The following KIF18A variants were observed in gnomAD, a reference collection of about 807,000 sequenced individuals.
KIF18A encodes the protein kinesin-like protein KIF18A.
A neutral mutation model predicts 103.3 loss-of-function variants in KIF18A; 67 were observed. The observed-to-expected ratio is 0.65, with a 90% CI of 0.53 to 0.79. The LOEUF is 0.79. Ranked by LOEUF, KIF18A falls within the 30% of genes least tolerant of loss-of-function variation. The pLI is 0.00. For synonymous variants in KIF18A, 367 were observed against 355.5 expected (o/e 1.03, Z -0.36); for missense variants, 1,032 against 1,062.5 (o/e 0.97, Z 0.40).
Position 28,059,100 on chromosome 11 carries a change from G to A in KIF18A, c.1774C>T (p.Leu592=). The A allele has an allele frequency of 6.2e-7, 1 of 1,614,020 alleles. No homozygotes were observed. The highest frequency in any genetic ancestry group is 8.5e-7 in the Non-Finnish European group (1 of 1,179,956). ...KQYCTLKEAG[L]SNAAFESDFK... The stretch of plus-strand genomic sequence containing the variant: ...TCAGATTCAAAAGCAGCATTTGACA[G>A]GCCGGCTTCTTTTAATGTGCAATAT... The change falls in exon 13 of 17, where the codon CTG becomes TTG. Residue 592 remains leucine (L), a synonymous_variant. Coordinates refer to ENST00000263181, the MANE Select transcript of KIF18A (RefSeq NM_031217.4).
chr11:28,031,661 C>T (rs6484348), intron 15 of KIF18A, among the ~76,000 whole-genome samples: 13,209 of 150,666 alleles, frequency 0.088, 1,024 homozygotes, highest in East Asian at 0.36. Flanking sequence ...GCACATGTAC[C>T]GTGGAACTTA....
At chr11:28,029,321 C>A (rs1261955977) in intron 15 of KIF18A, among the ~76,000 whole-genome samples, 1 of 152,104 alleles carries the variant, frequency 6.6e-6, no homozygotes, top group Non-Finnish European at 1.5e-5. Context: ...CATCAAAAAG[C>A]TTATCCACCA....
rs1851289644 is a variant in KIF18A, at chr11:28,090,702, T to G, written c.614A>C (p.His205Pro). ...GTTTTTGTTTCCATTATCCAATAAATGTAAAATTTCTTCTGAGGATTTGGG... is the reference window on the plus strand; with the variant it reads ...GTTTTTGTTTCCATTATCCAATAAAGGTAAAATTTCTTCTGAGGATTTGGG... The part of the protein sequence containing the change: ...HQPKSSEEIL[H>P]LLDNGNKNRT... The change falls in exon 5 of 17, where the codon CAT (histidine) becomes CCT (proline). Residue 205 changes from histidine (H) to proline (P), a missense_variant. His to Pro is a moderately conservative substitution (Grantham distance 77, BLOSUM62 -2). Coordinates refer to ENST00000263181, the MANE Select transcript of KIF18A (RefSeq NM_031217.4). The G allele has an allele frequency of 1.2e-6, 2 of 1,605,566 alleles. No homozygotes were observed. Among genetic ancestry groups the G allele is most frequent in the Non-Finnish European group, 1.7e-6 (2 of 1,173,518 alleles).
rs538371354 is a variant in KIF18A, at chr11:28,091,394, T to C, written c.588+15A>G. ...TTTGCTATTCTAACAGGGAAAAAGATGTTTATATACATACCTGGTGTAAAG... is the reference window on the plus strand; with the variant it reads ...TTTGCTATTCTAACAGGGAAAAAGACGTTTATATACATACCTGGTGTAAAG... On this transcript the variant is annotated intron_variant, in intron 4 of 16. Transcript: ENST00000263181. The C allele has an allele frequency of 7.3e-6, 10 of 1,360,620 alleles. No individual in the cohort carries two copies. Among genetic ancestry groups the C allele is most frequent in the Admixed American group, 7.2e-5 (4 of 55,612 alleles). The allele number at this position is 1,360,620 out of a possible 1,614,324, so 84.3% of individuals were successfully genotyped here.
At chr11:28,104,645 T>C (rs2133571922) in intron 1 of KIF18A, among the ~76,000 whole-genome samples, 1 of 152,310 alleles carries the variant, frequency 6.6e-6, no homozygotes, top group South Asian at 2.1e-4. Flanking sequence ...TTGGAAAGTA[T>C]ATGTTATCTG....
chr11:28,025,249 A>G (rs180839595), intron 15 of KIF18A, among the ~76,000 whole-genome samples: 2 of 152,188 alleles, frequency 1.3e-5, no homozygotes, highest in East Asian at 3.9e-4. Context: ...ATATTATATC[A>G]ACTACAGTAG....
chr11:28,081,992 T>C (rs1179567872), intron 9 of KIF18A, among the ~76,000 whole-genome samples: 3 of 152,016 alleles, frequency 2.0e-5, no homozygotes, highest in African/African-American at 7.2e-5. Flanking sequence ...GCAGATGTGG[T>C]GGACATGAAA....
intron 13 of KIF18A, among the ~76,000 whole-genome samples, chr11:28,049,097 GT>G (rs1254438006): frequency 6.6e-6 from 1 of 151,978 alleles, no homozygotes; most frequent in Non-Finnish European, 1.5e-5. Flanking sequence ...ATTAAAACTA[GT>G]TTAGATGTCA....
intron 13 of KIF18A, among the ~76,000 whole-genome samples, chr11:28,053,623 T>G (rs538125686): frequency 7.4e-5 from 11 of 147,918 alleles, no homozygotes; most frequent in African/African-American, 2.8e-4. Context: ...CATTTAACAT[T>G]AGGTATACCT....
At chr11:28,069,508 G>A (rs1565082824) in intron 10 of KIF18A, 85 bp from the exon 11 acceptor site, 2 of 1,249,918 alleles carry the variant, frequency 1.6e-6, no homozygotes, top group Non-Finnish European at 2.2e-6. Context: ...ATTTTCTTAT[G>A]TGTACTATTG....
chr11:28,096,895 T>A lies in KIF18A; in HGVS notation c.325+728A>T, dbSNP rs575310051. On this transcript the variant is annotated intron_variant, in intron 2 of 16. Transcript: ENST00000263181. ...CTCTCTCTCTCTCTTTTTTTTTTTT[T>A]AAAAAGGAAATCAACATGGCTTTCT... 2.9e-3 allele frequency among the ~76,000 whole-genome samples: 431 copies of A among 150,946 alleles called. 1 individual carries two copies. Among genetic ancestry groups the A allele is most frequent in the African/African-American group, 6.6e-3 (273 of 41,200 alleles).
chr11:28,037,422 G>A lies in KIF18A; in HGVS notation c.1949-758C>T, dbSNP rs192612013. On this transcript the variant is annotated intron_variant, in intron 13 of 16. Coordinates refer to ENST00000263181, the MANE Select transcript of KIF18A (RefSeq NM_031217.4). ...ATATACAATATAACAACCACTTAAT[G>A]GCATTTGTATTGTATTAGGTATTAT... Among the ~76,000 whole-genome samples, 445 of 151,500 alleles carry A rather than the reference G, an allele frequency of 2.9e-3. 3 individuals are homozygous for A. Among genetic ancestry groups the A allele is most frequent in the African/African-American group, 0.01 (428 of 41,452 alleles).
chr11:28,104,563 G>A (rs4367930), intron 1 of KIF18A, among the ~76,000 whole-genome samples: 151,716 of 152,288 alleles, frequency 1, 75,579 homozygotes, highest in Middle Eastern at 1. Context: ...ATCTATCTAA[G>A]ATAGTGTCAC....
At chr11:28,073,049 C>T (rs546162816) in intron 10 of KIF18A, among the ~76,000 whole-genome samples, 1 of 152,240 alleles carries the variant, frequency 6.6e-6, no homozygotes, top group Admixed American at 6.5e-5. Context: ...TAGCAACCAA[C>T]AATTTCACAA....
intron 10 of KIF18A, among the ~76,000 whole-genome samples, chr11:28,071,783 C>T (rs1305682539): frequency 2.0e-5 from 3 of 152,094 alleles, no homozygotes; most frequent in African/African-American, 7.2e-5. Context: ...TTTAGGCAAA[C>T]AGATTTTAGT....
At chr11:28,098,245 T>A (rs1255400265) in intron 1 of KIF18A, among the ~76,000 whole-genome samples, 1 of 152,046 alleles carries the variant, frequency 6.6e-6, no homozygotes, top group Non-Finnish European at 1.5e-5. Context: ...ACAACTACGA[T>A]AAAAATCTCT....
chr11:28,051,193 T>C (rs974332883), intron 13 of KIF18A, among the ~76,000 whole-genome samples: 10 of 151,848 alleles, frequency 6.6e-5, no homozygotes, highest in African/African-American at 2.4e-4. Flanking sequence ...TCCTTGAAAC[T>C]GGAAATTATT....
In KIF18A at chr11:28,047,586, T is replaced by C. The variant is rs373187545; in HGVS notation, c.1949-10922A>G. ...TAATTTGTTGCTCACAGCAAGAAAA[T>C]GACATTCTCAAAGTCATGATAGCAA... On this transcript the variant is annotated intron_variant, in intron 13 of 16. Coordinates refer to ENST00000263181, the MANE Select transcript of KIF18A (RefSeq NM_031217.4). 1.1e-4 allele frequency among the ~76,000 whole-genome samples: 16 copies of C among 152,256 alleles called. No individual in the cohort carries two copies. In the East Asian group the frequency reaches 1.5e-3, roughly 15 times the overall value.
chr11:28,047,056 G>GA (rs60204007), intron 13 of KIF18A, among the ~76,000 whole-genome samples: 37,097 of 71,462 alleles, frequency 0.52, 8,372 homozygotes, highest in Non-Finnish European at 0.58. Context: ...CTTCGTCTCA[G>GA]AAAAAAAAAA....
Sources: allele counts gnomAD v4.1 joint callset (sites outside exome capture counted in the v4.1 genomes callset), GRCh38; gene constraint gnomAD v4.1.1; transcripts MANE v1.5; gene names NCBI Gene and HGNC (gene_info 2026-07-23, HGNC 2026-07-21).